The following FRK variants were observed in gnomAD, a reference collection of about 807,000 sequenced individuals.
FRK encodes the protein tyrosine-protein kinase FRK.
A neutral mutation model predicts 56.4 loss-of-function variants in FRK; 51 were observed. The ratio of observed to expected loss-of-function variants is 0.90; its 90% confidence interval spans 0.72 to 1.14. FRK has a LOEUF of 1.14. Among genes scored for constraint, FRK ranks in the 50% most tolerant of loss-of-function variants. The pLI, the probability that FRK is intolerant of heterozygous loss-of-function variation, is 0.00. For synonymous variants in FRK, 245 were observed against 217.9 expected (o/e 1.12, Z -1.10); for missense variants, 570 against 601.4 (o/e 0.95, Z 0.55).
At chr6:115,954,094 G>A (rs544508048) in intron 5 of FRK, among the ~76,000 whole-genome samples, 17 of 152,194 alleles carry the variant, frequency 1.1e-4, no homozygotes, top group Non-Finnish European at 8.8e-5. Context: ...CATGTAAGTA[G>A]AGATTTTGAG....
intron 1 of FRK, among the ~76,000 whole-genome samples, chr6:116,057,853 A>G (rs1777456087): frequency 6.6e-6 from 1 of 152,210 alleles, no homozygotes; most frequent in African/African-American, 2.4e-5. Context: ...ATTAATAAGA[A>G]CACTGCTCTC....
At chr6:116,065,117 C>T (rs118103486), upstream of FRK, among the ~76,000 whole-genome samples, 84 of 152,258 alleles carry the variant, frequency 5.5e-4, no homozygotes, top group Non-Finnish European at 1.0e-3. Flanking sequence ...TTTCTAGCTC[C>T]CACAATCCCC....
At chr6:115,951,674 C>T (rs1198687560) in intron 5 of FRK, among the ~76,000 whole-genome samples, 2 of 152,086 alleles carry the variant, frequency 1.3e-5, no homozygotes, top group Non-Finnish European at 2.9e-5. Flanking sequence ...TATGTTATTT[C>T]AACTATCACA....
At chr6:116,032,000 C>T (rs965313598) in intron 1 of FRK, among the ~76,000 whole-genome samples, 4 of 152,036 alleles carry the variant, frequency 2.6e-5, no homozygotes, top group Non-Finnish European at 5.9e-5. Context: ...TAACTAAATT[C>T]ATATCCAAAA....
the FRK span, among the ~76,000 whole-genome samples, chr6:116,090,035 CAAAT>C: frequency 6.6e-6 from 1 of 152,148 alleles, no homozygotes; most frequent in South Asian, 2.1e-4. Flanking sequence ...TTCAGATAAA[CAAAT>C]AATTTTTTAG....
intron 1 of FRK, among the ~76,000 whole-genome samples, chr6:116,033,043 A>G (rs1307346848): frequency 6.6e-6 from 1 of 152,128 alleles, no homozygotes; most frequent in Non-Finnish European, 1.5e-5. Context: ...TTTTAGAAAT[A>G]CTAGAGACTA....
In FRK at chr6:115,944,261, G is replaced by A; in HGVS notation, c.1123C>T (p.Leu375Phe). 1 of 1,607,290 alleles carries A rather than the reference G, an allele frequency of 6.2e-7. No homozygotes were observed. The highest frequency in any genetic ancestry group is 8.5e-7 in the Non-Finnish European group (1 of 1,178,326). Reference protein sequence around the residue: ...HNIYKVADFGLARVFKVDNED... With the variant: ...HNIYKVADFGFARVFKVDNED... ...AAATCCACCTTAAAAACTCTGGCAAGTCCAAAATCTGCTACTTTGTAGATA... is the reference window on the plus strand; with the variant it reads ...AAATCCACCTTAAAAACTCTGGCAAATCCAAAATCTGCTACTTTGTAGATA... The change falls in exon 6 of 8, where the codon CTT becomes TTT. Residue 375 changes from leucine to phenylalanine, a missense_variant. By Grantham distance (22) the Leu-to-Phe change is conservative. Coordinates refer to ENST00000606080, the MANE Select transcript of FRK (RefSeq NM_002031.3).
chr6:116,022,281 A>G (rs1307736810), intron 1 of FRK, among the ~76,000 whole-genome samples: 1 of 152,104 alleles, frequency 6.6e-6, no homozygotes, highest in East Asian at 1.9e-4. Flanking sequence ...AAACTCTTTC[A>G]GAAAATACAG....
the FRK span, among the ~76,000 whole-genome samples, chr6:116,079,110 G>A: frequency 3.3e-5 from 5 of 152,070 alleles, no homozygotes; most frequent in African/African-American, 1.2e-4. Flanking sequence ...GGAGCGCAAT[G>A]TGCACATTTC....
intron 2 of FRK, among the ~76,000 whole-genome samples, chr6:115,996,548 TTC>T (rs1774849020): frequency 6.6e-6 from 1 of 152,122 alleles, no homozygotes; most frequent in African/African-American, 2.4e-5. Context: ...GAAATTGTCT[TTC>T]TAAAATAAGT....
Position 116,058,889 on chromosome 6 carries a change from G to C in FRK, c.344+1079C>G, listed in dbSNP as rs11965846. 7.2e-3 allele frequency among the ~76,000 whole-genome samples: 1,010 copies of C among 140,530 alleles called. 18 individuals carry two copies. Among genetic ancestry groups the C allele is most frequent in the South Asian group, 0.044 (201 of 4,530 alleles). 92.2% of individuals were successfully genotyped at this position (140,530 alleles called of 152,430 possible). On this transcript the variant is annotated intron_variant, in intron 1 of 7. Transcript: ENST00000606080. ...TCGCGCCACTGCACTCCAGCCTGGG[G>C]GACAGAGCGAGACTCCGTCTCAAAA...
At chr6:116,062,472 A>AG (rs1344732781), upstream of FRK, among the ~76,000 whole-genome samples, 1 of 151,984 alleles carries the variant, frequency 6.6e-6, no homozygotes, top group African/African-American at 2.4e-5. Context: ...GAAAAAAAAA[A>AG]AAAGAAAAGA....
intron 1 of FRK, chr6:116,038,846 G>A: frequency 1.9e-6 from 1 of 530,822 alleles, no homozygotes. Context: ...TCTGAAGGCG[G>A]CCAAGGTGCC....
intron 1 of FRK, among the ~76,000 whole-genome samples, chr6:116,019,177 T>A (rs758083753): frequency 1.3e-5 from 2 of 152,210 alleles, no homozygotes; most frequent in Non-Finnish European, 2.9e-5. Flanking sequence ...TAATTCCTAC[T>A]TCCCATTACA....
intron 1 of FRK, among the ~76,000 whole-genome samples, chr6:116,015,984 G>A (rs111946372): frequency 0.045 from 6,805 of 152,284 alleles, 216 homozygotes; most frequent in Non-Finnish European, 0.065. Flanking sequence ...GCCTGATCAT[G>A]TGGTAGAAAA....
the FRK span, among the ~76,000 whole-genome samples, chr6:116,099,464 C>A: frequency 2.0e-5 from 3 of 152,202 alleles, no homozygotes; most frequent in Non-Finnish European, 4.4e-5. Context: ...TGCTCCAGGG[C>A]CAACAAGCTT....
intron 2 of FRK, among the ~76,000 whole-genome samples, chr6:115,987,625 T>G (rs1292396072): frequency 6.6e-6 from 1 of 152,022 alleles, no homozygotes; most frequent in Non-Finnish European, 1.5e-5. Context: ...CCTATACGGG[T>G]GTCTCTTTTC....
intron 1 of FRK, among the ~76,000 whole-genome samples, chr6:116,004,396 T>C (rs1556857): frequency 0.39 from 58,894 of 151,996 alleles, 11,791 homozygotes; most frequent in Middle Eastern, 0.5. Context: ...CTAACACCTC[T>C]GAGCTGTTAG....
chr6:115,943,704 A>G (rs990915020), intron 6 of FRK, among the ~76,000 whole-genome samples: 1 of 152,110 alleles, frequency 6.6e-6, no homozygotes. Flanking sequence ...GGAATCATTT[A>G]TTTGTTGTTT....
Sources: gnomAD v4.1 joint callset for allele counts (sites outside exome capture counted in the v4.1 genomes callset) on GRCh38, gnomAD v4.1.1 for gene constraint, MANE v1.5 for transcripts, NCBI Gene and HGNC (gene_info 2026-07-23, HGNC 2026-07-21) for gene names.